Variants in NKAIN2 observed in about 807,000 individuals in gnomAD.
The protein encoded by NKAIN2 is sodium/potassium-transporting ATPase subunit beta-1-interacting protein 2.
Under a neutral mutation model 32.6 loss-of-function variants are expected in NKAIN2, and 14 were observed. That is an observed-to-expected ratio of 0.43 (90% CI 0.28 to 0.67). The LOEUF is 0.67. NKAIN2 is among the 30% of genes least tolerant of loss of function. The pLI is 0.17. For synonymous variants in NKAIN2, 80 were observed against 87.2 expected, an observed-to-expected ratio of 0.92 and a Z score of 0.46; for missense variants, 198 against 258.3, an observed-to-expected ratio of 0.77 and a Z score of 1.60.
chr6:124,521,944 C>A (rs1015364336), intron 3 of NKAIN2, among the ~76,000 whole-genome samples: 3 of 151,892 alleles, frequency 2.0e-5, no homozygotes, highest in African/African-American at 7.3e-5. Flanking sequence ...TTTAATGATC[C>A]ATCTTATGCT....
At chr6:124,137,195 G>A (rs2180293) in intron 1 of NKAIN2, among the ~76,000 whole-genome samples, 2,806 of 152,104 alleles carry the variant, frequency 0.018, 26 homozygotes, top group Non-Finnish European at 0.029. Flanking sequence ...CAAATTAGTA[G>A]CAGTGCTATA....
At chr6:123,912,705 C>T (rs1775279375) in intron 1 of NKAIN2, among the ~76,000 whole-genome samples, 1 of 152,174 alleles carries the variant, frequency 6.6e-6, no homozygotes, top group South Asian at 2.1e-4. Context: ...GGAAGCTTAG[C>T]TTCCTGAGGC....
At chr6:124,245,801 A>G (rs887157664) in intron 1 of NKAIN2, among the ~76,000 whole-genome samples, 5 of 151,998 alleles carry the variant, frequency 3.3e-5, no homozygotes, top group Admixed American at 2.0e-4. Context: ...TCCTTTCTAT[A>G]CTTCAGTATC....
chr6:124,589,115 G>A (rs9401755), intron 3 of NKAIN2, among the ~76,000 whole-genome samples: 20,245 of 152,022 alleles, frequency 0.13, 1,484 homozygotes, highest in Middle Eastern at 0.24. Context: ...CATATAGTAC[G>A]CTAACATTTT....
intron 1 of NKAIN2, among the ~76,000 whole-genome samples, chr6:123,913,704 A>G (rs1484369565): frequency 6.6e-6 from 1 of 152,160 alleles, no homozygotes; most frequent in Non-Finnish European, 1.5e-5. Context: ...TGAGATTTAT[A>G]TCAAACTTTT....
intron 3 of NKAIN2, among the ~76,000 whole-genome samples, chr6:124,384,968 G>A (rs1430680969): frequency 6.6e-6 from 1 of 152,042 alleles, no homozygotes; most frequent in Non-Finnish European, 1.5e-5. Flanking sequence ...CTTTTAACTT[G>A]CTTTCTAACT....
intron 1 of NKAIN2, among the ~76,000 whole-genome samples, chr6:124,038,115 T>C (rs1781688450): frequency 6.6e-6 from 1 of 152,088 alleles, no homozygotes; most frequent in South Asian, 2.1e-4. Flanking sequence ...ATAGTAAAAA[T>C]GAGAGATCCC....
intron 4 of NKAIN2, among the ~76,000 whole-genome samples, chr6:124,677,406 G>T (rs1414369358): frequency 6.6e-6 from 1 of 151,818 alleles, no homozygotes; most frequent in Non-Finnish European, 1.5e-5. Flanking sequence ...GGTCTTGTAG[G>T]TTTTTTTCAT....
At chr6:124,713,025 G>A (rs1317634917) in intron 4 of NKAIN2, among the ~76,000 whole-genome samples, 1 of 151,838 alleles carries the variant, frequency 6.6e-6, no homozygotes, top group African/African-American at 2.4e-5. Flanking sequence ...ACAGATGAAA[G>A]GAGAGCATAA....
chr6:124,178,522 C>T (rs1435004646), intron 1 of NKAIN2, among the ~76,000 whole-genome samples: 2 of 152,114 alleles, frequency 1.3e-5, no homozygotes, highest in Non-Finnish European at 2.9e-5. Flanking sequence ...TGGTCTCAAT[C>T]TCCTGATCTT....
chr6:124,204,007 G>C (rs1303946161), intron 1 of NKAIN2, among the ~76,000 whole-genome samples: 1 of 151,808 alleles, frequency 6.6e-6, no homozygotes, highest in Non-Finnish European at 1.5e-5. Flanking sequence ...ATGCTGTTTT[G>C]TAGTGCACAC....
chr6:123,857,364 G>T (rs767206974), intron 1 of NKAIN2, among the ~76,000 whole-genome samples: 1 of 151,994 alleles, frequency 6.6e-6, no homozygotes, highest in Non-Finnish European at 1.5e-5. Context: ...TTCCTAAGGG[G>T]CTATAAGCTT....
intron 3 of NKAIN2, among the ~76,000 whole-genome samples, chr6:124,595,220 T>G (rs1782040856): frequency 6.6e-6 from 1 of 152,214 alleles, no homozygotes; most frequent in Non-Finnish European, 1.5e-5. Flanking sequence ...CGTCCCATGA[T>G]CGTTGCTCAG....
chr6:124,453,289 TC>T (rs1776180684), intron 3 of NKAIN2, among the ~76,000 whole-genome samples: 1 of 141,424 alleles, frequency 7.1e-6, no homozygotes, highest in Non-Finnish European at 1.5e-5. Context: ...TTTTTTTCCT[TC>T]CCCCACTTTC....
In NKAIN2 at chr6:124,702,761, T is replaced by C. The variant is rs190979058; in HGVS notation, c.474+44375T>C. ...AACTGCCAGCACAAATGCCCTGACATCGGTCATTACAATTCCACGCCCTAA... is the reference window on the plus strand; with the variant it reads ...AACTGCCAGCACAAATGCCCTGACACCGGTCATTACAATTCCACGCCCTAA... On this transcript the variant is annotated intron_variant, in intron 4 of 6. Transcript: ENST00000368417. 1.0e-3 allele frequency among the ~76,000 whole-genome samples: 156 copies of C among 152,180 alleles called. 1 individual carries two copies. In the East Asian group the frequency reaches 0.024, roughly 24 times the overall value.
Position 124,282,908 on chromosome 6 carries a change from A to G in NKAIN2, c.55-97A>G, listed in dbSNP as rs543399981. On this transcript the variant is annotated intron_variant, in intron 1 of 6. Transcript: ENST00000368417. ...TGCCAGATATGGTAACACAGTTATA[A>G]GTGCTAATTATGTTATTAATAATTT... 6.3e-5 allele frequency: 64 copies of G among 1,009,428 alleles called. No homozygotes were observed. The African/African-American group carries it at 9.5e-4, about 15-fold the overall frequency. The allele number at this position is 1,009,428 out of a possible 1,614,324, so 62.5% of individuals were successfully genotyped here.
chr6:124,506,723 AAG>A lies in NKAIN2; in HGVS notation c.273+151379_273+151380del, dbSNP rs1778499014. ...GATTTTCACTTAGGAAGAAAAAAAA[AAG>A]AGGGAGAAGGTTAAGAAATAAATGT... is the stretch of plus-strand genomic sequence containing the variant. On this transcript the variant is annotated intron_variant, in intron 3 of 6. Transcript: ENST00000368417. 2.0e-5 allele frequency among the ~76,000 whole-genome samples: 3 copies of A among 152,192 alleles called. No individual in the cohort carries two copies. The South Asian group carries it at 6.2e-4, about 31-fold the overall frequency.
chr6:124,237,730 A>G (rs760224401), intron 1 of NKAIN2, among the ~76,000 whole-genome samples: 3 of 152,170 alleles, frequency 2.0e-5, no homozygotes, highest in Non-Finnish European at 4.4e-5. Flanking sequence ...AGTAAAATGC[A>G]TTAAGCATTA....
intron 1 of NKAIN2, among the ~76,000 whole-genome samples, chr6:123,921,295 T>C (rs1192332769): frequency 4.6e-5 from 7 of 152,234 alleles, no homozygotes; most frequent in Non-Finnish European, 1.0e-4. Context: ...CGAACAATTA[T>C]AATTTATAAA....
Sources: allele counts gnomAD v4.1 joint callset (sites outside exome capture counted in the v4.1 genomes callset), GRCh38; gene constraint gnomAD v4.1.1; transcripts MANE v1.5; gene names NCBI Gene and HGNC (gene_info 2026-07-23, HGNC 2026-07-21).